The following KPNA1 variants were observed in gnomAD, a reference collection of about 807,000 sequenced individuals.
KPNA1 encodes the protein karyopherin subunit alpha 1.
KPNA1 carries 10 observed loss-of-function variants against 70.5 expected under a neutral mutation model. The observed-to-expected ratio is 0.14, with a 90% confidence interval of 0.09 to 0.24. The LOEUF is 0.24. KPNA1 is among the 10% of genes least tolerant of loss of function. KPNA1 has a pLI of 1.00. For missense variants in KPNA1, 397 were observed against 637.9 expected (o/e 0.62, Z 4.07); for synonymous variants, 192 against 221.9 (o/e 0.87, Z 1.20).
intron 2 of KPNA1, among the ~76,000 whole-genome samples, chr3:122,491,682 A>T (rs1401718649): frequency 6.6e-6 from 1 of 152,194 alleles, no homozygotes; most frequent in Admixed American, 6.5e-5. Flanking sequence ...ATGATGGACA[A>T]CTGTGAAAAT....
intron 9 of KPNA1, 132 bp from the exon 10 acceptor site, chr3:122,442,248 A>G: frequency 1.5e-6 from 1 of 657,050 alleles, no homozygotes; most frequent in South Asian, 1.9e-5. Flanking sequence ...GGGCTAATTA[A>G]GGGAACGCTT....
chr3:122,440,588 G>A (rs1221605921), intron 10 of KPNA1, among the ~76,000 whole-genome samples: 1 of 152,220 alleles, frequency 6.6e-6, no homozygotes, highest in African/African-American at 2.4e-5. Flanking sequence ...TCCCCTTCTT[G>A]TATCCCAGCC....
At chr3:122,476,890 A>AAAAAAAAAAAC in intron 2 of KPNA1, among the ~76,000 whole-genome samples, 1 of 151,362 alleles carries the variant, frequency 6.6e-6, no homozygotes, top group African/African-American at 2.4e-5. Flanking sequence ...AAAAACTAAA[A>AAAAAAAAAAAC]AAAGAATTAC....
At chr3:122,441,987 G>A (rs192741255) in intron 10 of KPNA1, 51 bp downstream of exon 10, 3 of 1,175,430 alleles carry the variant, frequency 2.6e-6, no homozygotes, top group Non-Finnish European at 3.8e-6. Context: ...TGATCATGAA[G>A]TTCAATATAC....
chr3:122,491,247 G>A (rs183700113), intron 2 of KPNA1, among the ~76,000 whole-genome samples: 42 of 152,138 alleles, frequency 2.8e-4, no homozygotes, highest in Admixed American at 2.5e-3. Context: ...CAGTTTATAC[G>A]CACAGGCAGT....
rs548218515 is a variant in KPNA1, at chr3:122,438,472, C to T, written c.997-1177G>A. Among the ~76,000 whole-genome samples the T allele has an allele frequency of 2.6e-5, 4 of 152,140 alleles. No homozygotes were observed. In the East Asian group the frequency reaches 5.8e-4, roughly 22 times the overall value. The stretch of plus-strand genomic sequence containing the variant: ...CACAATCTCTGCTCACCGCAACCTC[C>T]GCCTCCTGGGTTCAAGTAATTCTCC... On this transcript the variant is annotated intron_variant, in intron 10 of 13. Coordinates refer to ENST00000344337, the MANE Select transcript of KPNA1 (RefSeq NM_002264.4).
chr3:122,496,382 C>A, intron 2 of KPNA1, 55 bp downstream of exon 2: 1 of 1,535,050 alleles, frequency 6.5e-7, no homozygotes, highest in Non-Finnish European at 8.9e-7. Context: ...TAGTTTCAGG[C>A]TTAAAATGGA....
intron 1 of KPNA1, among the ~76,000 whole-genome samples, chr3:122,504,704 GGACAACC>G (rs1198090432): frequency 6.6e-6 from 1 of 152,082 alleles, no homozygotes. Flanking sequence ...CCCCAAGAGG[GGACAACC>G]AATCTCATTT....
chr3:122,499,255 G>A (rs558186888), intron 1 of KPNA1, among the ~76,000 whole-genome samples: 14 of 152,250 alleles, frequency 9.2e-5, no homozygotes, highest in Non-Finnish European at 1.5e-4. Flanking sequence ...AGACACCCCT[G>A]TCTTATGCTA....
intron 5 of KPNA1, among the ~76,000 whole-genome samples, chr3:122,456,287 C>A (rs1413480062): frequency 6.6e-6 from 1 of 152,110 alleles, no homozygotes; most frequent in African/African-American, 2.4e-5. Context: ...CACCACAAGG[C>A]AGGCTCAAAG....
chr3:122,489,552 G>A (rs1189616632), intron 2 of KPNA1, among the ~76,000 whole-genome samples: 1 of 152,120 alleles, frequency 6.6e-6, no homozygotes, highest in East Asian at 1.9e-4. Context: ...TTATAGGTGT[G>A]AACCACCATG....
intron 2 of KPNA1, among the ~76,000 whole-genome samples, chr3:122,468,141 A>G (rs1187580814): frequency 5.3e-5 from 8 of 152,226 alleles, no homozygotes; most frequent in East Asian, 1.9e-4. Flanking sequence ...ATTGGACAAT[A>G]AAAACCACAG....
At chr3:122,470,399 C>A (rs1576317522) in intron 2 of KPNA1, among the ~76,000 whole-genome samples, 1 of 151,968 alleles carries the variant, frequency 6.6e-6, no homozygotes, top group East Asian at 1.9e-4. Flanking sequence ...GTAGTCCCAG[C>A]TACCCAGGAA....
intron 1 of KPNA1, among the ~76,000 whole-genome samples, chr3:122,500,588 C>T (rs2076816760): frequency 6.6e-6 from 1 of 152,020 alleles, no homozygotes; most frequent in African/African-American, 2.4e-5. Flanking sequence ...GCATCAACCT[C>T]CCAGCTCAAG....
At chr3:122,510,084 T>C (rs56023528) in intron 1 of KPNA1, among the ~76,000 whole-genome samples, 2,955 of 152,250 alleles carry the variant, frequency 0.019, 82 homozygotes, top group East Asian at 0.12. Flanking sequence ...AAACTTGAAG[T>C]AGAAGTTACT....
chr3:122,430,561 G>C (rs1483666556), intron 12 of KPNA1, among the ~76,000 whole-genome samples: 2 of 101,084 alleles, frequency 2.0e-5, no homozygotes, highest in Admixed American at 8.7e-5. Context: ...CAAATAAACT[G>C]TGTGTGTGTG....
chr3:122,457,808 T>G (rs1473285960), intron 5 of KPNA1: 2 of 1,289,886 alleles, frequency 1.6e-6, no homozygotes, highest in Non-Finnish European at 2.0e-6. Context: ...GCTGGCCACT[T>G]TGCCGGTTCC....
At chr3:122,513,796 G>C (rs959617756) in intron 1 of KPNA1, among the ~76,000 whole-genome samples, 1 of 152,154 alleles carries the variant, frequency 6.6e-6, no homozygotes, top group African/African-American at 2.4e-5. Flanking sequence ...GCTGGGTGTG[G>C]TTGCCCAAGA....
intron 10 of KPNA1, among the ~76,000 whole-genome samples, chr3:122,439,107 A>T (rs920191806): frequency 6.6e-6 from 1 of 152,240 alleles, no homozygotes; most frequent in Non-Finnish European, 1.5e-5. Context: ...AAAAAGAGGG[A>T]CTGACACTGC....
Sources: allele counts gnomAD v4.1 joint callset (sites outside exome capture counted in the v4.1 genomes callset), GRCh38; gene constraint gnomAD v4.1.1; transcripts MANE v1.5; gene names NCBI Gene and HGNC (gene_info 2026-07-23, HGNC 2026-07-21).